The following CAPN13 variants were observed in gnomAD, a reference collection of about 807,000 sequenced individuals.
The protein encoded by CAPN13 is calpain-13.
Under a neutral mutation model 98.4 loss-of-function variants are expected in CAPN13, and 90 were observed. That is an observed-to-expected ratio of 0.92 (90% CI 0.77 to 1.09). The LOEUF is 1.09. Ranked by LOEUF, CAPN13 falls within the 50% of genes least tolerant of loss-of-function variation. The probability of loss-of-function intolerance (pLI) is 0.00; values close to 1 mark genes in which losing one functional copy is unlikely to be tolerated. For missense variants in CAPN13, 887 were observed against 841.3 expected (o/e 1.05, Z -0.67); for synonymous variants, 330 against 305.5 (o/e 1.08, Z -0.84).
In CAPN13 at chr2:30,751,245, G is replaced by T. The variant is rs866646904; in HGVS notation, c.1094C>A (p.Pro365His). The T allele has an allele frequency of 6.2e-7, 1 of 1,613,812 alleles. No homozygotes were observed. The highest frequency in any genetic ancestry group is 1.7e-5 in the Admixed American group (1 of 60,010). ...QVILGNTAGG[P>H]RNDAQFNFSV... The stretch of plus-strand genomic sequence containing the variant: ...GAAGTTGAATTGAGCATCATTCCGA[G>T]GTCCTCCTGCATCAGAAAGAGCTGT... Residue 365 changes from proline to histidine, a missense_variant, in exon 11 of 23, where the codon CCT (proline) becomes CAT (histidine). Pro to His is a moderately conservative substitution (Grantham distance 77). Transcript: ENST00000295055.
At chr2:30,789,937 C>T (rs533243383) in intron 1 of CAPN13, among the ~76,000 whole-genome samples, 43 of 152,304 alleles carry the variant, frequency 2.8e-4, no homozygotes, top group African/African-American at 9.9e-4. Flanking sequence ...TCTGCATTCA[C>T]TACATGGGCT....
chr2:30,793,710 G>A (rs905936611), intron 1 of CAPN13, among the ~76,000 whole-genome samples: 1 of 151,800 alleles, frequency 6.6e-6, no homozygotes, highest in Admixed American at 6.6e-5. Flanking sequence ...TAAAGCTACT[G>A]TACTGGCAAA....
chr2:30,754,209 A>G, intron 9 of CAPN13, 81 bp downstream of exon 9: 1 of 1,131,078 alleles, frequency 8.8e-7, no homozygotes, highest in South Asian at 1.9e-5. Flanking sequence ...CCACCTTCGT[A>G]AATGTTCAGG....
chr2:30,737,633 T>A (rs61259586), intron 17 of CAPN13: 2 of 158,854 alleles, frequency 1.3e-5, no homozygotes, highest in African/African-American at 4.8e-5. Flanking sequence ...AACTGCTGTG[T>A]AGACCAGGCA....
At chr2:30,771,208 C>G (rs1436784067) in intron 4 of CAPN13, among the ~76,000 whole-genome samples, 1 of 152,216 alleles carries the variant, frequency 6.6e-6, no homozygotes, top group Non-Finnish European at 1.5e-5. Flanking sequence ...AAATTCATAA[C>G]AAATCCAGCT....
chr2:30,739,444 T>C lies in CAPN13; in HGVS notation c.1537-987A>G, dbSNP rs577337665. On this transcript the variant is annotated intron_variant, in intron 15 of 22. Coordinates refer to ENST00000295055, the MANE Select transcript of CAPN13 (RefSeq NM_144575.3). The stretch of plus-strand genomic sequence containing the variant: ...AAAACAGCCCCAGAGCCTGTCCAGA[T>C]GGGGTCCTCACCTAGAAGGATGACC... 1.6e-3 allele frequency among the ~76,000 whole-genome samples: 240 copies of C among 152,152 alleles called. 1 individual carries two copies. Among genetic ancestry groups the C allele is most frequent in the African/African-American group, 5.6e-3 (234 of 41,504 alleles).
intron 7 of CAPN13, among the ~76,000 whole-genome samples, chr2:30,760,493 G>A (rs1013411439): frequency 7.2e-5 from 11 of 152,196 alleles, no homozygotes; most frequent in South Asian, 2.1e-4. Context: ...AGGGCTAAAC[G>A]AGGCATGCAG....
At chr2:30,787,498 T>C in intron 1 of CAPN13, 141 bp from the exon 2 acceptor site, 1 of 578,362 alleles carries the variant, frequency 1.7e-6, no homozygotes, top group South Asian at 2.8e-5. Context: ...GGTGGCACAG[T>C]CAGTGAGCCT....
chr2:30,763,058 G>A (rs779386149), intron 7 of CAPN13, 24 bp downstream of exon 7: 1 of 1,590,026 alleles, frequency 6.3e-7, no homozygotes, highest in African/African-American at 1.3e-5. Context: ...GGGGAGAGCT[G>A]GACAGGCCAG....
At chr2:30,800,904 G>T (rs771300143) in intron 1 of CAPN13, among the ~76,000 whole-genome samples, 2 of 152,148 alleles carry the variant, frequency 1.3e-5, no homozygotes, top group Non-Finnish European at 2.9e-5. Flanking sequence ...AAAACTACAT[G>T]AGTCTCAGAA....
intron 1 of CAPN13, among the ~76,000 whole-genome samples, chr2:30,797,750 C>A (rs1197729781): frequency 6.6e-6 from 1 of 152,194 alleles, no homozygotes; most frequent in East Asian, 1.9e-4. Flanking sequence ...GAGTTGTGTT[C>A]TTTCCATGCG....
At chr2:30,765,144 G>A (rs1673047668) in intron 5 of CAPN13, among the ~76,000 whole-genome samples, 1 of 152,212 alleles carries the variant, frequency 6.6e-6, no homozygotes, top group African/African-American at 2.4e-5. Flanking sequence ...AGGAGAGAGG[G>A]TGGCCTGATC....
At chr2:30,799,764 G>T (rs757096003) in intron 1 of CAPN13, among the ~76,000 whole-genome samples, 1 of 152,122 alleles carries the variant, frequency 6.6e-6, no homozygotes, top group African/African-American at 2.4e-5. Context: ...AACCTCTCTC[G>T]TGTCTTCAGA....
chr2:30,734,543 CA>C lies in CAPN13; in HGVS notation c.1723-20del. On this transcript the variant is annotated intron_variant, in intron 18 of 22. Coordinates refer to ENST00000295055, the MANE Select transcript of CAPN13 (RefSeq NM_144575.3). ...AAACATGCTAATAGGGGAAGAGAAG[CA>C]AGAAGTCTGTGTGAAGACTGGGAAG... 1 of 1,603,164 alleles carries C rather than the reference CA, an allele frequency of 6.2e-7. No individual in the cohort carries two copies. The highest frequency in any genetic ancestry group is 8.5e-7 in the Non-Finnish European group (1 of 1,170,354).
In CAPN13 at chr2:30,723,168, C is replaced by T. The variant is rs1670750377; in HGVS notation, c.*99G>A. ...CAGGGCTGGTTTAGATTTATCACAA[C>T]CACCATACTGGGCAGCACAGCCTCT... On this transcript the variant is annotated 3_prime_UTR_variant, in exon 23 of 23. Transcript: ENST00000295055. 6.6e-6 allele frequency: 1 copy of T among 152,240 alleles called. No individual in the cohort carries two copies. 9.4% of individuals were successfully genotyped at this position (152,240 alleles called of 1,614,324 possible).
At chr2:30,730,052 G>C (rs143106310) in intron 22 of CAPN13, among the ~76,000 whole-genome samples, 107 of 152,310 alleles carry the variant, frequency 7.0e-4, no homozygotes, top group African/African-American at 2.4e-3. Context: ...GTAGATGATT[G>C]CCTCTAGCTA....
At chr2:30,775,849 A>T in intron 4 of CAPN13, 81 bp downstream of exon 4, 1 of 929,832 alleles carries the variant, frequency 1.1e-6, no homozygotes, top group Non-Finnish European at 1.5e-6. Flanking sequence ...CTTCCCGGCC[A>T]CGAGAAAACT....
In CAPN13 at chr2:30,731,377, C is replaced by T. The variant is rs1671085204; in HGVS notation, c.1950G>A (p.Lys650=). Residue 650 remains lysine, a synonymous_variant, in exon 21 of 23, where the codon AAG becomes AAA. Coordinates refer to ENST00000295055, the MANE Select transcript of CAPN13 (RefSeq NM_144575.3). ...AMAKTFRNLS[K]DGKGLYLTEM... ...CTGTCAGGTAGAGTCCTTTTCCATC[C>T]TTAGAGAGGTTGCGGAAGGTCTCTA... 6.2e-7 allele frequency: 1 copy of T among 1,610,954 alleles called. No homozygotes were observed. The highest frequency in any genetic ancestry group is 1.1e-5 in the South Asian group (1 of 90,532).
At chr2:30,757,523 G>T (rs535906939) in intron 8 of CAPN13, among the ~76,000 whole-genome samples, 1 of 152,340 alleles carries the variant, frequency 6.6e-6, no homozygotes, top group East Asian at 1.9e-4. Context: ...GAGCTGAGTA[G>T]ATTGGACAAA....
Sources: gnomAD v4.1 joint callset for allele counts (sites outside exome capture counted in the v4.1 genomes callset) on GRCh38, gnomAD v4.1.1 for gene constraint, MANE v1.5 for transcripts, NCBI Gene and HGNC (gene_info 2026-07-23, HGNC 2026-07-21) for gene names.